TENM4: variants seen among roughly 807,000 people sequenced by gnomAD.
The protein encoded by TENM4 is teneurin transmembrane protein 4.
In TENM4, 82 loss-of-function variants were observed where a neutral mutation model predicts 243.3. That is an observed-to-expected ratio of 0.34 (90% CI 0.28 to 0.40). TENM4 has a LOEUF of 0.40. Ranked by LOEUF, TENM4 falls within the 10% of genes least tolerant of loss-of-function variation. The pLI, the probability that TENM4 is intolerant of heterozygous loss-of-function variation, is 1.00. For missense variants in TENM4, 3,138 were observed against 3,673.3 expected (o/e 0.85, Z 3.77); for synonymous variants, 1,412 against 1,456.3 (o/e 0.97, Z 0.69).
intron 1 of TENM4, among the ~76,000 whole-genome samples, chr11:79,378,130 AC>A (rs1238915356): frequency 6.6e-6 from 1 of 152,238 alleles, no homozygotes; most frequent in Non-Finnish European, 1.5e-5. Context: ...TGCTGGTACC[AC>A]CTGAAAATGT....
intron 32 of TENM4, among the ~76,000 whole-genome samples, chr11:78,664,905 G>A (rs766981783): frequency 2.2e-4 from 33 of 152,148 alleles, no homozygotes; most frequent in Non-Finnish European, 3.7e-4. Context: ...TACAAGTGAC[G>A]GAAGGTGGAA....
At chr11:78,751,327 C>T (rs961678546) in intron 19 of TENM4, among the ~76,000 whole-genome samples, 2 of 152,120 alleles carry the variant, frequency 1.3e-5, no homozygotes, top group African/African-American at 4.8e-5. Flanking sequence ...TGCTAAAGTC[C>T]CCTGACTTCT....
chr11:79,432,498 A>T (rs905621311), intron 1 of TENM4, among the ~76,000 whole-genome samples: 1 of 152,202 alleles, frequency 6.6e-6, no homozygotes, highest in Admixed American at 6.5e-5. Flanking sequence ...TTCACTGTGG[A>T]CCTCATCAAT....
Position 78,855,986 on chromosome 11 carries a change from C to G in TENM4, c.1448G>C (p.Gly483Ala). ...AALVGIYGRK[G>A]LPPSHTQFDF... The stretch of plus-strand genomic sequence containing the variant: ...TACCTGTGTATGTGAAGGAGGGAGG[C>G]CTTTTCTGCCATAAATGCCAACCAG... The change falls in exon 11 of 34, where the codon GGC (glycine) becomes GCC (alanine). Residue 483 changes from glycine to alanine, a missense_variant. This residue lies in a region of TENM4 where 2,467 missense variants were observed against 3,059.1 expected (regional missense o/e 0.81). Transcript: ENST00000278550. The G allele has an allele frequency of 6.4e-7, 1 of 1,551,562 alleles. No individual in the cohort carries two copies. The highest frequency in any genetic ancestry group is 2.4e-5 in the East Asian group (1 of 40,908).
chr11:79,182,926 G>A (rs1173656668), intron 3 of TENM4, among the ~76,000 whole-genome samples: 1 of 152,130 alleles, frequency 6.6e-6, no homozygotes, highest in Non-Finnish European at 1.5e-5. Context: ...GTGAGGATGT[G>A]GAGCAGCAGG....
In TENM4 at chr11:79,125,153, T is replaced by C. The variant is rs997471763; in HGVS notation, c.-66+23557A>G. On this transcript the variant is annotated intron_variant, in intron 4 of 33. Coordinates refer to ENST00000278550, the MANE Select transcript of TENM4 (RefSeq NM_001098816.3). ...TTGGTGTGAACTGTTTACAGACTTA[T>C]GCAAAATAAATCCATTTGACACTCC... is the stretch of plus-strand genomic sequence containing the variant. Among the ~76,000 whole-genome samples the C allele has an allele frequency of 3.0e-4, 45 of 152,016 alleles. 1 individual carries two copies. The highest frequency in any genetic ancestry group is 1.9e-4 in the East Asian group (1 of 5,146).
chr11:78,862,588 C>T (rs180876118), intron 10 of TENM4, among the ~76,000 whole-genome samples: 1 of 152,104 alleles, frequency 6.6e-6, no homozygotes, highest in Non-Finnish European at 1.5e-5. Context: ...CATCTACCTG[C>T]CTCCCCATAC....
rs914027994 is a variant in TENM4, at chr11:78,942,300, A to T, written c.494-38777T>A. On this transcript the variant is annotated intron_variant, in intron 6 of 33. Transcript: ENST00000278550. ...AAAAAAAAAAAAAAAAAAAAAAAAA[A>T]GCTGGGCATGGTGGCATGCGCCTGT... Among the ~76,000 whole-genome samples, 18 of 101,140 alleles carry T rather than the reference A, an allele frequency of 1.8e-4. No homozygotes were observed. The South Asian group carries it at 5.5e-3, about 31-fold the overall frequency. The allele number at this position is 101,140 out of a possible 152,430, so 66.4% of individuals were successfully genotyped here. A position where few individuals can be genotyped will look rare whatever the true frequency, so the allele number is the denominator to read the frequency against.
intron 1 of TENM4, among the ~76,000 whole-genome samples, chr11:79,343,163 G>A: frequency 6.6e-6 from 1 of 152,354 alleles, no homozygotes; most frequent in East Asian, 1.9e-4. Context: ...TCCTCCTCCT[G>A]GCCCCTGGAA....
At chr11:78,963,564 C>T (rs1857375624) in intron 6 of TENM4, among the ~76,000 whole-genome samples, 1 of 152,018 alleles carries the variant, frequency 6.6e-6, no homozygotes, top group Admixed American at 6.6e-5. Context: ...ATAATGCAGA[C>T]CCAGTGGGCC....
At chr11:79,252,575 A>G (rs1855630662) in intron 2 of TENM4, among the ~76,000 whole-genome samples, 1 of 152,164 alleles carries the variant, frequency 6.6e-6, no homozygotes, top group Non-Finnish European at 1.5e-5. Context: ...CCAGAAAACT[A>G]GGGCAACTAC....
intron 1 of TENM4, among the ~76,000 whole-genome samples, chr11:79,389,151 T>A (rs1858177358): frequency 6.6e-6 from 1 of 152,046 alleles, no homozygotes; most frequent in Admixed American, 6.6e-5. Context: ...AGTGGGGTTT[T>A]TTTAGTCTGT....
chr11:79,327,724 T>C (rs142849206), intron 1 of TENM4, among the ~76,000 whole-genome samples: 4 of 140,774 alleles, frequency 2.8e-5, no homozygotes, highest in Admixed American at 1.5e-4. Context: ...AGGAAACCAA[T>C]GGAAAAACAT....
At chr11:79,262,647 A>G (rs1368438080) in intron 2 of TENM4, among the ~76,000 whole-genome samples, 4 of 152,222 alleles carry the variant, frequency 2.6e-5, no homozygotes, top group African/African-American at 4.8e-5. Context: ...TTAAAAAGGA[A>G]TGTGTGACCC....
intron 2 of TENM4, among the ~76,000 whole-genome samples, chr11:79,243,510 A>G (rs926943986): frequency 4.6e-5 from 7 of 152,234 alleles, no homozygotes; most frequent in African/African-American, 1.7e-4. Flanking sequence ...TTCCAAGAGT[A>G]AAACAGAAAA....
chr11:79,281,510 T>G (rs933141650), intron 2 of TENM4, among the ~76,000 whole-genome samples: 2 of 152,184 alleles, frequency 1.3e-5, no homozygotes, highest in African/African-American at 2.4e-5. Context: ...ATTTTATCAC[T>G]GAGAAAGTGA....
chr11:79,297,874 C>G (rs1856481708), intron 1 of TENM4, among the ~76,000 whole-genome samples: 1 of 150,932 alleles, frequency 6.6e-6, no homozygotes, highest in Non-Finnish European at 1.5e-5. Flanking sequence ...AGAAATAAAG[C>G]AAAGAAAAGG....
chr11:78,981,536 G>A (rs900824971), intron 6 of TENM4, among the ~76,000 whole-genome samples: 2 of 152,100 alleles, frequency 1.3e-5, no homozygotes, highest in Non-Finnish European at 2.9e-5. Context: ...TCCTCATGAG[G>A]GAATCTGGAC....
In TENM4 at chr11:78,658,654, A is replaced by C. The variant is rs368515496; in HGVS notation, c.7714T>G (p.Phe2572Val). The stretch of plus-strand genomic sequence containing the variant: ...GTCACTCGGCCATCCTTCAAGGCAA[A>C]CTTGACCCCCTTGCCAAAGACTGAG... Reference protein sequence around the residue: ...SGSVFGKGVKFALKDGRVTTD... With the variant: ...SGSVFGKGVKVALKDGRVTTD... Residue 2572 changes from phenylalanine to valine, a missense_variant, in exon 34 of 34, where the codon TTT becomes GTT. By Grantham distance (50) the Phe-to-Val change is conservative (BLOSUM62 -1). This residue lies in a region of TENM4 where 2,467 missense variants were observed against 3,059.1 expected (regional missense o/e 0.81). Coordinates refer to ENST00000278550, the MANE Select transcript of TENM4 (RefSeq NM_001098816.3). 6.2e-7 allele frequency: 1 copy of C among 1,614,038 alleles called. No individual in the cohort carries two copies. The highest frequency in any genetic ancestry group is 8.5e-7 in the Non-Finnish European group (1 of 1,179,894).
Sources: allele counts gnomAD v4.1 joint callset (sites outside exome capture counted in the v4.1 genomes callset), GRCh38; gene constraint gnomAD v4.1.1; regional missense constraint gnomAD v4.1.1; transcripts MANE v1.5; gene names NCBI Gene and HGNC (gene_info 2026-07-23, HGNC 2026-07-21).